GPR50: variants seen among roughly 807,000 people sequenced by gnomAD.
The protein encoded by GPR50 is melatonin-related receptor.
A neutral mutation model predicts 2.6 loss-of-function variants in GPR50; 1 was observed. The ratio of observed to expected loss-of-function variants is 0.38; its 90% CI spans 0.13 to 1.79. The LOEUF (loss-of-function observed/expected upper bound fraction) is 1.79. Ranked by LOEUF, GPR50 falls within the 40% of genes most tolerant of loss-of-function variation. GPR50 has a pLI of 0.33. For missense variants in GPR50, 535 were observed against 522.1 expected, an observed-to-expected ratio of 1.02 and a Z score of -0.24; for synonymous variants, 233 against 202.3, an observed-to-expected ratio of 1.15 and a Z score of -1.29.
At position 151,180,634 on chromosome X, in the gene GPR50, C is replaced by G. The variant is rs374706343; in HGVS notation, c.1051C>G (p.Arg351Gly). The change falls in exon 2 of 2, where the codon CGT becomes GGT. Residue 351 changes from arginine to glycine, a missense_variant. Physicochemically the swap from Arg to Gly is moderately radical, Grantham distance 125. Coordinates refer to ENST00000218316, the MANE Select transcript of GPR50 (RefSeq NM_004224.3). The part of the protein sequence containing the change: ...HARDQAREQD[R>G]AHACPAVEET... ...TCGCGACCAAGCTCGTGAACAAGAC[C>G]GTGCCCATGCCTGTCCTGCTGTGGA... 2 of 1,210,842 alleles carry G rather than the reference C, an allele frequency of 1.7e-6. No homozygotes were observed. Among genetic ancestry groups the G allele is most frequent in the South Asian group, 1.8e-5 (1 of 56,945 alleles).
chrX:151,180,233 C>T lies in GPR50; in HGVS notation c.650C>T (p.Ala217Val), dbSNP rs765579691. 2 of 1,203,158 alleles carry T rather than the reference C, an allele frequency of 1.7e-6. No individual in the cohort carries two copies. The highest frequency in any genetic ancestry group is 2.2e-6 in the Non-Finnish European group (2 of 893,992). The change falls in exon 2 of 2, where the codon GCG becomes GTG. Residue 217 changes from alanine (A) to valine (V), a missense_variant. Transcript: ENST00000218316. Reference protein sequence around the residue: ...CYVRIWTKVLAARDPAGQNPD... With the variant: ...CYVRIWTKVLVARDPAGQNPD... ...GTGAGGATCTGGACCAAAGTGCTGG[C>T]GGCCCGTGACCCTGCAGGGCAGAAT...
In GPR50 at chrX:151,176,883, G is replaced by T; in HGVS notation, c.162G>T (p.Thr54=). 2 of 1,203,776 alleles carry T rather than the reference G, an allele frequency of 1.7e-6. No individual in the cohort carries two copies. Among genetic ancestry groups the T allele is most frequent in the Non-Finnish European group, 2.2e-6 (2 of 890,254 alleles). Residue 54 remains threonine (T), a synonymous_variant, in exon 1 of 2, where the codon ACG becomes ACT. Transcript: ENST00000218316. ...IGNSMVILAV[T]KNKKLRNSGN... is the part of the protein sequence containing the mutation. ...ACTCCATGGTCATTTTGGCTGTGAC[G>T]AAGAACAAGAAGCTCCGGAATTCTG...
At chrX:151,177,560 G>T in intron 1 of GPR50, 1 of 114,192 alleles carries the variant, frequency 8.8e-6, no homozygotes, top group South Asian at 3.4e-4. Flanking sequence ...CAGGGCGAAC[G>T]GCAGAGAGAG....
chrX:151,176,638 T>C lies in GPR50; in HGVS notation c.-84T>C, dbSNP rs1178231315. 5 of 606,956 alleles carry C rather than the reference T, an allele frequency of 8.2e-6. No individual in the cohort carries two copies. Among genetic ancestry groups the C allele is most frequent in the Non-Finnish European group, 1.3e-5 (5 of 391,288 alleles). 50.0% of individuals were successfully genotyped at this position (606,956 alleles called of 1,213,427 possible). A position where few individuals can be genotyped will look rare whatever the true frequency, so the allele number is the denominator to read the frequency against. On this transcript the variant is annotated 5_prime_UTR_variant, in exon 1 of 2. Transcript: ENST00000218316. The stretch of plus-strand genomic sequence containing the variant: ...GGGAGGCACGCTTTCCTGGAGCTCC[T>C]GGTGACAGAACAGGTGTTTGCTGTC...
At position 151,180,854 on chromosome X, in the gene GPR50, A is replaced by G. The variant is rs1283942989; in HGVS notation, c.1271A>G (p.His424Arg). Reference protein sequence around the residue: ...ASGHLKPVSGHSKPASGHPKS... With the variant: ...ASGHLKPVSGRSKPASGHPKS... ...GGTCACCTCAAGCCTGTCTCTGGCC[A>G]CTCCAAGCCTGCCTCTGGTCACCCC... The change falls in exon 2 of 2, where the codon CAC becomes CGC. Residue 424 changes from histidine to arginine, a missense_variant. Coordinates refer to ENST00000218316, the MANE Select transcript of GPR50 (RefSeq NM_004224.3). 8.3e-7 allele frequency: 1 copy of G among 1,208,981 alleles called. No individual in the cohort carries two copies. Among genetic ancestry groups the G allele is most frequent in the East Asian group, 3.0e-5 (1 of 33,753 alleles).
rs752384994 is a variant in GPR50 at position 151,180,345 on chromosome X, C to T, written c.762C>T (p.Asn254=). 1.1e-4 allele frequency: 136 copies of T among 1,207,935 alleles called. No individual in the cohort carries two copies. The East Asian group carries it at 3.4e-3, about 30-fold the overall frequency. ...LLFAVCWCPI[N]VLTVLVAVSP... is the part of the protein sequence containing the mutation. ...TTGCAGTGTGCTGGTGCCCTATCAA[C>T]GTGCTCACTGTCTTGGTGGCTGTCA... The change falls in exon 2 of 2, where the codon AAC becomes AAT. Residue 254 remains asparagine (N), a synonymous_variant. Coordinates refer to ENST00000218316, the MANE Select transcript of GPR50 (RefSeq NM_004224.3).
intron 1 of GPR50, among the ~76,000 whole-genome samples, chrX:151,179,053 C>G (rs1216385451): frequency 4.0e-5 from 4 of 100,839 alleles, no homozygotes; most frequent in African/African-American, 1.5e-4. Flanking sequence ...TCCTCCCCCC[C>G]ACCCCCGCCC....
rs759561321 is a variant in GPR50 at position 151,179,801 on chromosome X, C to A, written c.218C>A (p.Ala73Asp). The change falls in exon 2 of 2, where the codon GCC becomes GAC. Residue 73 changes from alanine (A) to aspartate (D), a missense_variant. Transcript: ENST00000218316. ...GNIFVVSLSV[A>D]DMLVAIYPYP... ...ATCTTCGTGGTCAGTCTCTCTGTGG[C>A]CGATATGCTGGTGGCCATCTACCCA... 1 of 1,188,492 alleles carries A rather than the reference C, an allele frequency of 8.4e-7. No individual in the cohort carries two copies.
Position 151,176,635 on chromosome X carries a change from T to C in GPR50, c.-87T>C. On this transcript the variant is annotated 5_prime_UTR_variant, in exon 1 of 2. Transcript: ENST00000218316. ...AGAGGGAGGCACGCTTTCCTGGAGC[T>C]CCTGGTGACAGAACAGGTGTTTGCT... 1.7e-6 allele frequency: 1 copy of C among 578,706 alleles called. No individual in the cohort carries two copies. Among genetic ancestry groups the C allele is most frequent in the East Asian group, 3.6e-5 (1 of 27,628 alleles). The allele number at this position is 578,706 out of a possible 1,213,427, so 47.7% of individuals were successfully genotyped here.
Position 151,180,263 on chromosome X carries a change from A to G in GPR50, c.680A>G (p.Asp227Gly). ...AARDPAGQNP[D>G]NQLAEVRNFL... ...CGTGACCCTGCAGGGCAGAATCCTG[A>G]CAACCAACTTGCTGAGGTTCGCAAT... is the stretch of plus-strand genomic sequence containing the variant. The change falls in exon 2 of 2, where the codon GAC (aspartate) becomes GGC (glycine). Residue 227 changes from aspartate (D) to glycine (G), a missense_variant. By Grantham distance (94) the Asp-to-Gly change is moderately conservative (BLOSUM62 -1). Transcript: ENST00000218316. The G allele has an allele frequency of 8.3e-7, 1 of 1,207,869 alleles. No homozygotes were observed. The highest frequency in any genetic ancestry group is 1.8e-5 in the South Asian group (1 of 56,899).
At chrX:151,178,022 AG>A (rs1259167033) in intron 1 of GPR50, among the ~76,000 whole-genome samples, 2 of 106,017 alleles carry the variant, frequency 1.9e-5, no homozygotes, top group Non-Finnish European at 3.9e-5. Context: ...AGGGAGGGGA[AG>A]GGGCAAAGGC....
intron 1 of GPR50, chrX:151,177,238 C>T: frequency 5.8e-6 from 1 of 172,424 alleles, no homozygotes; most frequent in Non-Finnish European, 1.1e-5. Context: ...AGGCGATTCG[C>T]CCGGGGACAG....
Position 151,181,239 on chromosome X carries a change from C to A in GPR50, c.1656C>A (p.His552Gln), listed in dbSNP as rs182874490. Residue 552 changes from histidine (H) to glutamine (Q), a missense_variant, in exon 2 of 2, where the codon CAC becomes CAA. By Grantham distance (24) the His-to-Gln change is conservative. Coordinates refer to ENST00000218316, the MANE Select transcript of GPR50 (RefSeq NM_004224.3). ...SHCPEIPAIA[H>Q]PVSDDSDLPE... is the part of the protein sequence containing the mutation. Reference sequence around the variant, plus strand: ...GCCCCGAGATCCCTGCCATTGCCCACCCTGTGTCTGACGACAGTGACCTCC... The same window carrying A: ...GCCCCGAGATCCCTGCCATTGCCCAACCTGTGTCTGACGACAGTGACCTCC... The A allele has an allele frequency of 5.5e-4, 670 of 1,208,816 alleles. No individual in the cohort carries two copies. In the Middle Eastern group the frequency reaches 6.7e-3, roughly 12 times the overall value.
Position 151,176,649 on chromosome X carries a change from C to T in GPR50, c.-73C>T. On this transcript the variant is annotated 5_prime_UTR_variant, in exon 1 of 2. Coordinates refer to ENST00000218316, the MANE Select transcript of GPR50 (RefSeq NM_004224.3). ...TTTCCTGGAGCTCCTGGTGACAGAA[C>T]AGGTGTTTGCTGTCTGGACCTGGCT... is the stretch of plus-strand genomic sequence containing the variant. 1 of 682,882 alleles carries T rather than the reference C, an allele frequency of 1.5e-6. No individual in the cohort carries two copies. Among genetic ancestry groups the T allele is most frequent in the South Asian group, 2.9e-5 (1 of 34,344 alleles). 56.3% of individuals were successfully genotyped at this position (682,882 alleles called of 1,213,427 possible).
intron 1 of GPR50, chrX:151,177,430 G>C (rs1018277845): frequency 8.8e-6 from 1 of 113,133 alleles, no homozygotes. Context: ...CGCTCGCCGC[G>C]GCCCTGGGGC....
chrX:151,182,830 T>C (rs2048721772), downstream of GPR50: 1 of 112,499 alleles, frequency 8.9e-6, no homozygotes, highest in Non-Finnish European at 1.9e-5. Context: ...GTGGTAGCAA[T>C]TAAATAGAAG....
Position 151,181,252 on chromosome X carries a change from G to C in GPR50, c.1669G>C (p.Asp557His), listed in dbSNP as rs765690309. ...IPAIAHPVSD[D>H]SDLPESASSP... ...TGCCATTGCCCACCCTGTGTCTGACGACAGTGACCTCCCTGAGTCGGCCTC... is the reference window on the plus strand; with the variant it reads ...TGCCATTGCCCACCCTGTGTCTGACCACAGTGACCTCCCTGAGTCGGCCTC... The change falls in exon 2 of 2, where the codon GAC becomes CAC. Residue 557 changes from aspartate to histidine, a missense_variant. Asp to His is a moderately conservative substitution (Grantham distance 81, BLOSUM62 -1). Transcript: ENST00000218316. The C allele has an allele frequency of 2.5e-6, 3 of 1,208,332 alleles. No homozygotes were observed. In the South Asian group the frequency reaches 5.3e-5, roughly 21 times the overall value.
At chrX:151,182,770 G>T (rs764911274), downstream of GPR50, 1 of 112,894 alleles carries the variant, frequency 8.9e-6, no homozygotes, top group African/African-American at 3.2e-5. Flanking sequence ...ATGAAAGCTT[G>T]TGAGGATAAG....
downstream of GPR50, chrX:151,182,393 A>G (rs966788966): frequency 8.9e-6 from 1 of 112,297 alleles, no homozygotes; most frequent in African/African-American, 3.2e-5. Context: ...TTTTTTAAAC[A>G]GCCTGGTGTT....
Sources: allele counts gnomAD v4.1 joint callset (sites outside exome capture counted in the v4.1 genomes callset), GRCh38; gene constraint gnomAD v4.1.1; transcripts MANE v1.5; gene names NCBI Gene and HGNC (gene_info 2026-07-23, HGNC 2026-07-21).